Variants in USP10 observed in about 807,000 individuals in gnomAD.
The protein encoded by USP10 is ubiquitin specific peptidase 10.
Under a neutral mutation model 84.5 loss-of-function variants are expected in USP10, and 22 were observed. That is an observed-to-expected ratio of 0.26 (90% CI 0.19 to 0.37). The LOEUF (loss-of-function observed/expected upper bound fraction) is 0.37, where lower values mean the gene tolerates loss of function less well. USP10 is among the 10% of genes least tolerant of loss of function. USP10 has a pLI of 1.00. For synonymous variants in USP10, 454 were observed against 387.6 expected, an observed-to-expected ratio of 1.17 and a Z score of -2.01; for missense variants, 1,019 against 998.9, an observed-to-expected ratio of 1.02 and a Z score of -0.27.
rs1454523192 is a variant in USP10 at position 84,759,354 on chromosome 16, A to G, written c.1285-9A>G. The G allele has an allele frequency of 3.1e-6, 5 of 1,613,326 alleles. No individual in the cohort carries two copies. The African/African-American group carries it at 6.7e-5, about 22-fold the overall frequency. On this transcript the variant is annotated splice_polypyrimidine_tract_variant and intron_variant, in intron 5 of 13. Coordinates refer to ENST00000219473, the MANE Select transcript of USP10 (RefSeq NM_005153.3). ...ATTTCCTTTACGCTTCCTTACTGCC[A>G]CTACATAGACACTGCAGGCATTGGT...
intron 4 of USP10, 101 bp downstream of exon 4, chr16:84,745,774 G>A (rs1260530700): frequency 8.0e-7 from 1 of 1,252,524 alleles, no homozygotes; most frequent in Middle Eastern, 1.9e-4. Context: ...CAGATTACCT[G>A]TGTGTTAATA....
At chr16:84,730,057 AGTATGTAGTCCCCTCC>A (rs1299633299) in intron 1 of USP10, among the ~76,000 whole-genome samples, 1 of 152,208 alleles carries the variant, frequency 6.6e-6, no homozygotes. Context: ...TTTTGAATAA[AGTATGTAGTCCCCTCC>A]CAAGAAAACC....
chr16:84,731,924 T>C (rs1014550874), intron 1 of USP10, among the ~76,000 whole-genome samples: 2 of 152,216 alleles, frequency 1.3e-5, no homozygotes, highest in Non-Finnish European at 2.9e-5. Context: ...ACCTTCTATA[T>C]TCTTCACTGA....
rs779887926 is a variant in USP10, at chr16:84,772,491, T to C, written c.1999-50T>C. On this transcript the variant is annotated intron_variant, in intron 11 of 13. Transcript: ENST00000219473. ...AGCGGAAGGTGGATGTGGTGTTAGC[T>C]GTTGCAAGTAAGACAGGGACGGTGT... 13 of 1,607,724 alleles carry C rather than the reference T, an allele frequency of 8.1e-6. No individual in the cohort carries two copies. In the East Asian group the frequency reaches 2.9e-4, roughly 36 times the overall value.
At chr16:84,768,158 C>T in intron 10 of USP10, 35 bp from the exon 11 acceptor site, 1 of 1,545,988 alleles carries the variant, frequency 6.5e-7, no homozygotes, top group Non-Finnish European at 8.7e-7. Context: ...AAGGAGTGGT[C>T]TCTTAATTTT....
intron 4 of USP10, among the ~76,000 whole-genome samples, chr16:84,757,443 G>GTT (rs1555546487): frequency 0.024 from 3,557 of 145,600 alleles, 122 homozygotes; most frequent in African/African-American, 0.084. Flanking sequence ...GTGTGTGTGT[G>GTT]TGTTTTGAAT....
intron 8 of USP10, among the ~76,000 whole-genome samples, chr16:84,762,287 G>A (rs1443625284): frequency 1.3e-5 from 2 of 152,204 alleles, no homozygotes; most frequent in Non-Finnish European, 2.9e-5. Context: ...CTCATTGCTC[G>A]AGTGGTGACC....
intron 13 of USP10, among the ~76,000 whole-genome samples, chr16:84,778,442 A>C (rs1174839887): frequency 6.6e-6 from 1 of 152,208 alleles, no homozygotes; most frequent in Non-Finnish European, 1.5e-5. Context: ...CATTTCTTCT[A>C]GTGGCTATTG....
intron 8 of USP10, among the ~76,000 whole-genome samples, 192 bp downstream of exon 8, chr16:84,760,467 G>T (rs1321471371): frequency 6.6e-6 from 1 of 152,198 alleles, no homozygotes; most frequent in African/African-American, 2.4e-5. Flanking sequence ...TATTAACTTA[G>T]TTGACTCTGA....
intron 11 of USP10, among the ~76,000 whole-genome samples, chr16:84,770,885 T>G (rs1049848143): frequency 3.7e-4 from 56 of 151,616 alleles, no homozygotes; most frequent in Non-Finnish European, 6.2e-4. Context: ...GGCCAACATG[T>G]TGAAACCCCA....
intron 10 of USP10, among the ~76,000 whole-genome samples, chr16:84,767,779 T>A (rs567393914): frequency 7.2e-6 from 1 of 138,464 alleles, no homozygotes. Context: ...TATTATTATT[T>A]TTTTTAATTT....
chr16:84,735,230 T>TGTGTGTGTG (rs1422090434), intron 2 of USP10, among the ~76,000 whole-genome samples: 2 of 114,184 alleles, frequency 1.8e-5, no homozygotes, highest in Non-Finnish European at 3.6e-5. Context: ...TGTGTGTGTG[T>TGTGTGTGTG]GTGTGTGGTG....
intron 1 of USP10, among the ~76,000 whole-genome samples, chr16:84,721,392 G>A (rs1056423624): frequency 6.6e-6 from 1 of 152,152 alleles, no homozygotes. Context: ...TGTGGCCATT[G>A]GTCTTCAAGA....
intron 1 of USP10, among the ~76,000 whole-genome samples, chr16:84,702,986 C>T (rs771357079): frequency 2.3e-3 from 90 of 38,480 alleles, no homozygotes; most frequent in Non-Finnish European, 6.0e-3. Context: ...GAGCAAGACT[C>T]CCGTCTCAAA....
At chr16:84,749,855 G>A (rs1301078931) in intron 4 of USP10, among the ~76,000 whole-genome samples, 10 of 152,134 alleles carry the variant, frequency 6.6e-5, no homozygotes, top group Admixed American at 1.3e-4. Flanking sequence ...TTGGTGGCAA[G>A]GCCATCTCCT....
At chr16:84,767,939 T>C (rs977147560) in intron 10 of USP10, among the ~76,000 whole-genome samples, 1 of 152,112 alleles carries the variant, frequency 6.6e-6, no homozygotes, top group Admixed American at 6.5e-5. Context: ...TCCGCAGTGT[T>C]TGTGTCCCTG....
At chr16:84,733,289 G>A in intron 1 of USP10, 146 bp from the exon 2 acceptor site, 1 of 639,834 alleles carries the variant, frequency 1.6e-6, no homozygotes. Context: ...AGAACTCTGA[G>A]TTGCAGATCC....
At chr16:84,764,920 C>T (rs1297440474) in intron 10 of USP10, among the ~76,000 whole-genome samples, 4 of 55,054 alleles carry the variant, frequency 7.3e-5, no homozygotes, top group African/African-American at 2.8e-4. Flanking sequence ...ACAATAACCA[C>T]GAGAGAGAGA....
chr16:84,758,745 A>C lies in USP10; in HGVS notation c.1222A>C (p.Lys408Gln). 6.2e-7 allele frequency: 1 copy of C among 1,613,730 alleles called. No homozygotes were observed. Residue 408 changes from lysine to glutamine, a missense_variant, in exon 5 of 14, where the codon AAA becomes CAA. Physicochemically the swap from Lys to Gln is moderately conservative, Grantham distance 53. Around this residue, in one of 2 missense-constraint regions of USP10, gnomAD observed 787 missense variants for 708.8 expected, o/e 1.11. Transcript: ENST00000219473. ...ELLENVTLIH[K>Q]PVSLQPRGLI... Reference sequence around the variant, plus strand: ...GCTGGAGAATGTAACCCTAATCCATAAACCAGTGTCGTTGCAACCCCGTGG... The same window carrying C: ...GCTGGAGAATGTAACCCTAATCCATCAACCAGTGTCGTTGCAACCCCGTGG...
Sources: gnomAD v4.1 joint callset for allele counts (sites outside exome capture counted in the v4.1 genomes callset) on GRCh38, gnomAD v4.1.1 for gene constraint, gnomAD v4.1.1 regional missense constraint, MANE v1.5 for transcripts, NCBI Gene and HGNC (gene_info 2026-07-23, HGNC 2026-07-21) for gene names.